The following PAPPA variants were observed in gnomAD, a reference collection of about 807,000 sequenced individuals.
PAPPA encodes pappalysin 1.
PAPPA carries 60 observed loss-of-function variants against 164.0 expected under a neutral mutation model. The observed-to-expected ratio is 0.37, with a 90% CI of 0.30 to 0.45. The LOEUF (loss-of-function observed/expected upper bound fraction) is 0.45. Ranked by LOEUF, PAPPA falls within the 20% of genes least tolerant of loss-of-function variation. PAPPA has a pLI of 1.00. For synonymous variants in PAPPA, 875 were observed against 814.1 expected, an observed-to-expected ratio of 1.07 and a Z score of -1.27; for missense variants, 1,782 against 2,087.3, an observed-to-expected ratio of 0.85 and a Z score of 2.85.
At chr9:116,342,612 A>G (rs1846152511) in intron 13 of PAPPA, among the ~76,000 whole-genome samples, 1 of 152,192 alleles carries the variant, frequency 6.6e-6, no homozygotes, top group Non-Finnish European at 1.5e-5. Context: ...GATCCCAGTA[A>G]AACCCTCAGT....
At chr9:116,309,108 C>G (rs923305793) in intron 10 of PAPPA, among the ~76,000 whole-genome samples, 3 of 151,410 alleles carry the variant, frequency 2.0e-5, no homozygotes, top group African/African-American at 7.3e-5. Context: ...CAAAGTCTCA[C>G]TCCGTCCTCC....
intron 9 of PAPPA, among the ~76,000 whole-genome samples, chr9:116,283,058 T>TCTG: frequency 6.6e-6 from 1 of 152,318 alleles, no homozygotes; most frequent in South Asian, 2.1e-4. Context: ...TGCCTGTCAC[T>TCTG]CTGCCCTCAT....
intron 7 of PAPPA, among the ~76,000 whole-genome samples, chr9:116,248,729 CT>C (rs1844825904): frequency 6.6e-6 from 1 of 152,212 alleles, no homozygotes; most frequent in Admixed American, 6.5e-5. Flanking sequence ...TTCTCTACCC[CT>C]AGCTTCTTGT....
Position 116,396,676 on chromosome 9 carries a change from G to T in PAPPA, c.*60G>T. ...CCAGGACCCACATCCCTTTGGTATT[G>T]ATTTCACAGTCAGCTGCTCAACGGA... On this transcript the variant is annotated 3_prime_UTR_variant, in exon 22 of 22. Coordinates refer to ENST00000328252, the MANE Select transcript of PAPPA (RefSeq NM_002581.5). The T allele has an allele frequency of 1.9e-5, 14 of 755,180 alleles. No homozygotes were observed. In the South Asian group the frequency reaches 2.0e-4, roughly 11 times the overall value. 46.8% of individuals were successfully genotyped at this position (755,180 alleles called of 1,614,324 possible). A position where few individuals can be genotyped will look rare whatever the true frequency, so the allele number is the denominator to read the frequency against.
intron 10 of PAPPA, among the ~76,000 whole-genome samples, chr9:116,322,332 C>T (rs1489486148): frequency 6.6e-6 from 1 of 150,934 alleles, no homozygotes; most frequent in Non-Finnish European, 1.5e-5. Context: ...ACCGCTTGAA[C>T]CTGGTAGGCA....
chr9:116,348,855 A>T lies in PAPPA; in HGVS notation c.3964+1646A>T, dbSNP rs140532499. ...ATCTCATTCTTTTTTATGGCCACAT[A>T]GTATTTCATGGTGTATATGTACCAC... is the stretch of plus-strand genomic sequence containing the variant. On this transcript the variant is annotated intron_variant, in intron 15 of 21. Transcript: ENST00000328252. Among the ~76,000 whole-genome samples, 391 of 152,316 alleles carry T rather than the reference A, an allele frequency of 2.6e-3. 1 individual carries two copies. The highest frequency in any genetic ancestry group is 9.0e-3 in the African/African-American group (376 of 41,562).
Position 116,235,312 on chromosome 9 carries a change from G to A in PAPPA, c.2407G>A (p.Val803Ile), listed in dbSNP as rs1844647976. ...GTCTCTGACCATTTGGGTGACCTTT[G>A]TCTCCACTGACTGGGACTCTAGTGG... ...PESLTIWVTFVSTDWDSSGAV... is the reference protein window; with the variant it reads ...PESLTIWVTFISTDWDSSGAV... The change falls in exon 7 of 22, where the codon GTC becomes ATC. Residue 803 changes from valine (V) to isoleucine (I), a missense_variant. Val to Ile is a conservative substitution (Grantham distance 29). Coordinates refer to ENST00000328252, the MANE Select transcript of PAPPA (RefSeq NM_002581.5). 1 of 1,614,088 alleles carries A rather than the reference G, an allele frequency of 6.2e-7. No homozygotes were observed. The highest frequency in any genetic ancestry group is 8.5e-7 in the Non-Finnish European group (1 of 1,180,016).
intron 20 of PAPPA, among the ~76,000 whole-genome samples, chr9:116,378,873 A>G (rs1268160680): frequency 6.6e-6 from 1 of 151,924 alleles, no homozygotes. Context: ...TAGGTTACAC[A>G]TTTTTTTCTC....
intron 6 of PAPPA, 97 bp from the exon 7 acceptor site, chr9:116,235,042 C>G: frequency 1.4e-6 from 2 of 1,381,822 alleles, no homozygotes; most frequent in Non-Finnish European, 2.0e-6. Flanking sequence ...TGTCTAAGTT[C>G]TAGTCAGACC....
intron 7 of PAPPA, among the ~76,000 whole-genome samples, chr9:116,260,771 G>A (rs113413004): frequency 0.036 from 5,458 of 152,160 alleles, 191 homozygotes; most frequent in Non-Finnish European, 0.051. Flanking sequence ...ACAGAAAGAG[G>A]AAATGGCTTG....
At chr9:116,375,711 GA>G (rs1358706980) in intron 19 of PAPPA, among the ~76,000 whole-genome samples, 2 of 152,152 alleles carry the variant, frequency 1.3e-5, no homozygotes, top group East Asian at 3.9e-4. Flanking sequence ...GCCTCACCAA[GA>G]GGCCTAATTA....
chr9:116,244,641 C>T (rs1471232586), intron 7 of PAPPA, among the ~76,000 whole-genome samples: 2 of 151,968 alleles, frequency 1.3e-5, no homozygotes, highest in Non-Finnish European at 2.9e-5. Context: ...AGGAGCCAGA[C>T]TATTATAAAA....
chr9:116,368,511 C>T (rs915423531), intron 19 of PAPPA, among the ~76,000 whole-genome samples: 1 of 152,168 alleles, frequency 6.6e-6, no homozygotes, highest in Non-Finnish European at 1.5e-5. Flanking sequence ...CTACAGAGGC[C>T]CCCTCCTCAG....
chr9:116,368,493 C>T (rs1293257801), intron 19 of PAPPA, among the ~76,000 whole-genome samples: 1 of 152,186 alleles, frequency 6.6e-6, no homozygotes, highest in Non-Finnish European at 1.5e-5. Context: ...GTGCCCCCAG[C>T]CAGATGACTA....
At chr9:116,188,459 T>G (rs1023017748) in intron 2 of PAPPA, among the ~76,000 whole-genome samples, 8 of 152,150 alleles carry the variant, frequency 5.3e-5, no homozygotes, top group African/African-American at 1.7e-4. Context: ...AGCCCTGTTT[T>G]CTCAAAGAGC....
intron 1 of PAPPA, among the ~76,000 whole-genome samples, chr9:116,156,492 T>C (rs1308184021): frequency 6.6e-6 from 1 of 151,838 alleles, no homozygotes; most frequent in Non-Finnish European, 1.5e-5. Flanking sequence ...TAAAATACTT[T>C]AATTGGATGG....
chr9:116,302,196 A>G (rs1030727036), intron 9 of PAPPA, among the ~76,000 whole-genome samples: 2 of 152,182 alleles, frequency 1.3e-5, no homozygotes, highest in African/African-American at 4.8e-5. Context: ...TCGAATAATG[A>G]AGGTGAAAGT....
At chr9:116,374,112 T>C (rs932949572) in intron 19 of PAPPA, among the ~76,000 whole-genome samples, 7 of 150,960 alleles carry the variant, frequency 4.6e-5, no homozygotes, top group Admixed American at 4.0e-4. Context: ...GGTGGTGCTA[T>C]GATGATGATG....
chr9:116,314,038 C>CAGTTCTGT (rs1564221535), intron 10 of PAPPA, among the ~76,000 whole-genome samples: 1 of 134,236 alleles, frequency 7.4e-6, no homozygotes. Flanking sequence ...TAAATTCATT[C>CAGTTCTGT]AGTTCTGTCA....
Sources: allele counts gnomAD v4.1 joint callset (sites outside exome capture counted in the v4.1 genomes callset), GRCh38; gene constraint gnomAD v4.1.1; transcripts MANE v1.5; gene names NCBI Gene and HGNC (gene_info 2026-07-23, HGNC 2026-07-21).